POFUT3: variants seen among roughly 807,000 people sequenced by gnomAD.
POFUT3 encodes protein O-fucosyltransferase 3.
the POFUT3 span, among the ~76,000 whole-genome samples, chr8:33,437,303 C>G: frequency 1.3e-5 from 2 of 151,926 alleles, no homozygotes; most frequent in African/African-American, 4.8e-5. Flanking sequence ...AGCACTGTAC[C>G]CATAATGGAG....
the POFUT3 span, among the ~76,000 whole-genome samples, chr8:33,451,247 A>G: frequency 2.0e-5 from 3 of 152,164 alleles, no homozygotes; most frequent in Non-Finnish European, 4.4e-5. Flanking sequence ...AAATGTTCCA[A>G]TAAGCACTTC....
chr8:33,416,420 T>C, the POFUT3 span, among the ~76,000 whole-genome samples: 1 of 151,762 alleles, frequency 6.6e-6, no homozygotes, highest in Non-Finnish European at 1.5e-5. Flanking sequence ...CTGGCCAAAA[T>C]ACAAAAATTA....
the POFUT3 span, among the ~76,000 whole-genome samples, chr8:33,408,235 G>A: frequency 1.6e-4 from 25 of 151,538 alleles, no homozygotes; most frequent in Admixed American, 3.3e-4. Flanking sequence ...TGAAGCAGGG[G>A]ATCACTTGAG....
the POFUT3 span, among the ~76,000 whole-genome samples, chr8:33,464,922 A>C: frequency 8.5e-3 from 1,289 of 152,314 alleles, 15 homozygotes; most frequent in African/African-American, 0.029. Context: ...AAGGAATACA[A>C]ATCTATAAGA....
the POFUT3 span, among the ~76,000 whole-genome samples, chr8:33,414,137 T>C: frequency 2.0e-4 from 31 of 152,254 alleles, no homozygotes; most frequent in African/African-American, 7.5e-4. Flanking sequence ...AGGAATATCA[T>C]TGAATAACCA....
chr8:33,359,878 C>A, the POFUT3 span, among the ~76,000 whole-genome samples: 2 of 151,966 alleles, frequency 1.3e-5, no homozygotes, highest in African/African-American at 4.8e-5. Flanking sequence ...TGATGGCACA[C>A]ACCTGTAATC....
the POFUT3 span, among the ~76,000 whole-genome samples, chr8:33,422,399 G>A: frequency 1.3e-5 from 2 of 151,694 alleles, no homozygotes; most frequent in Non-Finnish European, 2.9e-5. Context: ...AAAATTAGCC[G>A]GGTGTGGTGG....
chr8:33,331,574 C>A, the POFUT3 span, among the ~76,000 whole-genome samples: 1 of 152,148 alleles, frequency 6.6e-6, no homozygotes, highest in African/African-American at 2.4e-5. Context: ...GTAATCTCAG[C>A]ACTTTGGGAG....
At chr8:33,431,305 G>A in the POFUT3 span, among the ~76,000 whole-genome samples, 1 of 151,916 alleles carries the variant, frequency 6.6e-6, no homozygotes. Flanking sequence ...CCAGCACTTT[G>A]GGGAGCCAAG....
chr8:33,349,300 G>A, the POFUT3 span, among the ~76,000 whole-genome samples: 2 of 152,192 alleles, frequency 1.3e-5, no homozygotes, highest in East Asian at 3.9e-4. Context: ...AATTTTTTTT[G>A]ATAGTTTTGG....
At chr8:33,345,277 A>G in the POFUT3 span, among the ~76,000 whole-genome samples, 1 of 152,242 alleles carries the variant, frequency 6.6e-6, no homozygotes, top group Non-Finnish European at 1.5e-5. Context: ...TTCAGACACT[A>G]AAATTCAAAA....
the POFUT3 span, among the ~76,000 whole-genome samples, chr8:33,376,862 A>G: frequency 6.6e-6 from 1 of 152,216 alleles, no homozygotes; most frequent in African/African-American, 2.4e-5. Flanking sequence ...TTGAGAGGCC[A>G]CTGTTCACCT....
At chr8:33,430,135 T>C in the POFUT3 span, among the ~76,000 whole-genome samples, 1 of 152,080 alleles carries the variant, frequency 6.6e-6, no homozygotes, top group East Asian at 1.9e-4. Flanking sequence ...TGAGAAAACC[T>C]ACGACTTGTA....
the POFUT3 span, among the ~76,000 whole-genome samples, chr8:33,400,608 T>C: frequency 3.9e-5 from 6 of 152,176 alleles, no homozygotes; most frequent in Admixed American, 3.9e-4. Context: ...ATACCTAGAC[T>C]TTGTATTTAT....
chr8:33,413,431 C>T, the POFUT3 span, among the ~76,000 whole-genome samples: 1 of 152,128 alleles, frequency 6.6e-6, no homozygotes, highest in Non-Finnish European at 1.5e-5. Context: ...AAGAAGGTGG[C>T]TGTCTGCAAA....
At chr8:33,373,692 A>G in the POFUT3 span, among the ~76,000 whole-genome samples, 2 of 152,264 alleles carry the variant, frequency 1.3e-5, no homozygotes, top group African/African-American at 4.8e-5. Context: ...AAAGTAAAAG[A>G]GAAAGAGGAG....
the POFUT3 span, chr8:33,388,977 T>C: frequency 6.2e-7 from 1 of 1,614,074 alleles, no homozygotes; most frequent in South Asian, 1.1e-5. Flanking sequence ...TCCTGAAGCC[T>C]GATATTAGCC....
chr8:33,359,681 G>GT, the POFUT3 span, among the ~76,000 whole-genome samples: 1 of 152,088 alleles, frequency 6.6e-6, no homozygotes, highest in Non-Finnish European at 1.5e-5. Flanking sequence ...GTTTTATTTT[G>GT]TTTAGTATTA....
the POFUT3 span, among the ~76,000 whole-genome samples, chr8:33,392,981 A>AAAAAC: frequency 5.9e-5 from 9 of 152,188 alleles, no homozygotes; most frequent in African/African-American, 1.2e-4. Context: ...ACTCTGTCTC[A>AAAAAC]AAAACAAAAC....
Sources: allele counts gnomAD v4.1 joint callset (sites outside exome capture counted in the v4.1 genomes callset), GRCh38; gene constraint gnomAD v4.1.1; transcripts MANE v1.5; gene names NCBI Gene and HGNC (gene_info 2026-07-23, HGNC 2026-07-21).